Variants in C1orf94 observed in about 807,000 individuals in gnomAD.
C1orf94 encodes the protein uncharacterized protein C1orf94.
A neutral mutation model predicts 53.6 loss-of-function variants in C1orf94; 45 were observed. The ratio of observed to expected loss-of-function variants is 0.84; its 90% CI spans 0.66 to 1.08. The LOEUF (loss-of-function observed/expected upper bound fraction) is 1.08, where lower values mean the gene tolerates loss of function less well. Ranked by LOEUF, C1orf94 falls within the 50% of genes least tolerant of loss-of-function variation. The pLI is 0.00. For missense variants in C1orf94, 762 were observed against 738.9 expected (o/e 1.03, Z -0.36); for synonymous variants, 304 against 296.1 (o/e 1.03, Z -0.27).
At chr1:34,179,038 C>T (rs745794785) in intron 1 of C1orf94, among the ~76,000 whole-genome samples, 1 of 152,214 alleles carries the variant, frequency 6.6e-6, no homozygotes, top group Non-Finnish European at 1.5e-5. Context: ...TGCTACAGCT[C>T]AGTTCAGAGA....
At chr1:34,171,952 C>T (rs1035581386), upstream of C1orf94, among the ~76,000 whole-genome samples, 2 of 152,162 alleles carry the variant, frequency 1.3e-5, no homozygotes, top group African/African-American at 4.8e-5. Flanking sequence ...GTCAGTTCTT[C>T]CTTTATTCTT....
At chr1:34,215,403 G>A (rs1642968283) in intron 6 of C1orf94, among the ~76,000 whole-genome samples, 1 of 152,220 alleles carries the variant, frequency 6.6e-6, no homozygotes, top group African/African-American at 2.4e-5. Flanking sequence ...TTAAATTGAT[G>A]AGGACATGTT....
Position 34,212,602 on chromosome 1 carries a change from G to C in C1orf94, c.1721+196G>C, listed in dbSNP as rs112789373. ...CAGAGATGAAGAGGGTCTGGGGCCTGGTGGGCCCCTTTTGTAGGTGCATTT... is the reference window on the plus strand; with the variant it reads ...CAGAGATGAAGAGGGTCTGGGGCCTCGTGGGCCCCTTTTGTAGGTGCATTT... On this transcript the variant is annotated intron_variant, in intron 6 of 6. Coordinates refer to ENST00000488417, the MANE Select transcript of C1orf94 (RefSeq NM_001134734.2). Among the ~76,000 whole-genome samples, 832 of 152,268 alleles carry C rather than the reference G, an allele frequency of 5.5e-3. 13 individuals carry two copies. The highest frequency in any genetic ancestry group is 0.019 in the African/African-American group (788 of 41,554).
In C1orf94 at chr1:34,212,101, A is replaced by C. The variant is rs1455906186; in HGVS notation, c.1525-109A>C. 1.2e-5 allele frequency: 11 copies of C among 955,116 alleles called. No homozygotes were observed. The African/African-American group carries it at 1.4e-4, about 12-fold the overall frequency. The allele number at this position is 955,116 out of a possible 1,614,324, so 59.2% of individuals were successfully genotyped here. The stretch of plus-strand genomic sequence containing the variant: ...CATTCCAACATGTTGCCTTCTGTGT[A>C]CCCAGCAGTGACTGAGGAGCACAGG... On this transcript the variant is annotated intron_variant, in intron 5 of 6. Coordinates refer to ENST00000488417, the MANE Select transcript of C1orf94 (RefSeq NM_001134734.2).
At chr1:34,208,619 T>C (rs1381519459) in intron 5 of C1orf94, among the ~76,000 whole-genome samples, 1 of 152,176 alleles carries the variant, frequency 6.6e-6, no homozygotes, top group African/African-American at 2.4e-5. Flanking sequence ...GCTGTGGCAA[T>C]ACATAACCGC....
upstream of C1orf94, among the ~76,000 whole-genome samples, chr1:34,174,163 C>T (rs1415890209): frequency 1.3e-5 from 2 of 152,226 alleles, no homozygotes; most frequent in Non-Finnish European, 2.9e-5. Flanking sequence ...TATGTGAATT[C>T]GTTTCTCCAT....
chr1:34,184,292 G>T (rs889422408), intron 1 of C1orf94, among the ~76,000 whole-genome samples: 1 of 152,196 alleles, frequency 6.6e-6, no homozygotes, highest in Non-Finnish European at 1.5e-5. Context: ...AGCAGCAGGC[G>T]CAGGGAAAGA....
At chr1:34,212,486 G>A (rs552493501) in intron 6 of C1orf94, 80 bp downstream of exon 6, 26 of 1,377,460 alleles carry the variant, frequency 1.9e-5, no homozygotes, top group African/African-American at 7.3e-5. Flanking sequence ...GCTTACCAGC[G>A]CTTTCTTAGT....
At chr1:34,185,035 C>T (rs1642364367) in intron 1 of C1orf94, among the ~76,000 whole-genome samples, 1 of 152,104 alleles carries the variant, frequency 6.6e-6, no homozygotes, top group Non-Finnish European at 1.5e-5. Context: ...AGCTTCTGTG[C>T]AGCTTTTGTC....
chr1:34,211,623 C>T (rs1642891241), intron 5 of C1orf94, among the ~76,000 whole-genome samples: 1 of 152,118 alleles, frequency 6.6e-6, no homozygotes, highest in South Asian at 2.1e-4. Flanking sequence ...TTCCTCATGC[C>T]CATGAGCCAC....
intron 1 of C1orf94, among the ~76,000 whole-genome samples, chr1:34,182,192 C>T (rs140465154): frequency 0.013 from 1,963 of 152,218 alleles, 49 homozygotes; most frequent in African/African-American, 0.045. Flanking sequence ...GAGACCCTGT[C>T]TCAAAACAAA....
chr1:34,195,779 G>GGTGT (rs67390104), intron 1 of C1orf94, among the ~76,000 whole-genome samples: 221 of 145,262 alleles, frequency 1.5e-3, no homozygotes, highest in South Asian at 2.9e-3. Flanking sequence ...TCTGTTCGTG[G>GGTGT]GTGTGTGTGT....
chr1:34,197,697 G>T lies in C1orf94; in HGVS notation c.793G>T (p.Val265Phe), dbSNP rs1270240401. The stretch of plus-strand genomic sequence containing the variant: ...CAAGAATGTGCTGGACAAGACAAGG[G>T]TCACCAAGGACTTCCTACAGGACAA... ...DNKNVLDKTR[V>F]TKDFLQDNLF... is the part of the protein sequence containing the mutation. The change falls in exon 2 of 7, where the codon GTC (valine) becomes TTC (phenylalanine). Residue 265 changes from valine to phenylalanine, a missense_variant. Coordinates refer to ENST00000488417, the MANE Select transcript of C1orf94 (RefSeq NM_001134734.2). This position sits in a 1 kb window ranked among gnomAD's most constrained non-coding sequence, Gnocchi z 4.1. The T allele has an allele frequency of 6.2e-7, 1 of 1,614,020 alleles. No individual in the cohort carries two copies. The highest frequency in any genetic ancestry group is 1.7e-5 in the Admixed American group (1 of 60,006).
chr1:34,182,123 A>G (rs1183219833), intron 1 of C1orf94, among the ~76,000 whole-genome samples: 1 of 152,200 alleles, frequency 6.6e-6, no homozygotes, highest in African/African-American at 2.4e-5. Context: ...GAGCTCAGGA[A>G]AGTCGAGGCT....
chr1:34,205,541 A>G (rs979882520), intron 4 of C1orf94, among the ~76,000 whole-genome samples: 5 of 152,224 alleles, frequency 3.3e-5, no homozygotes, highest in Non-Finnish European at 7.3e-5. Context: ...TTGCAGCAGC[A>G]GCAGCAGTAG....
Position 34,212,411 on chromosome 1 carries a change from G to A in C1orf94, c.1721+5G>A, listed in dbSNP as rs553268555. The A allele has an allele frequency of 2.1e-5, 33 of 1,607,956 alleles. No homozygotes were observed. The highest frequency in any genetic ancestry group is 8.9e-5 in the East Asian group (4 of 44,734). On this transcript the variant is annotated splice_donor_5th_base_variant and intron_variant, in intron 6 of 6. Transcript: ENST00000488417. ...CCTCTTTCCCCAAGGATATGGGTGA[G>A]TCAGCCCACACTGGGAGCCTAAGGG...
At chr1:34,171,822 G>A (rs1408049560) in intron 1 of C1orf94, among the ~76,000 whole-genome samples, 8 of 152,148 alleles carry the variant, frequency 5.3e-5, no homozygotes, top group Admixed American at 4.6e-4. Context: ...GCCACCCGAC[G>A]TGTTTCCATT....
At chr1:34,176,083 A>G (rs976955388), upstream of C1orf94, among the ~76,000 whole-genome samples, 13 of 151,882 alleles carry the variant, frequency 8.6e-5, no homozygotes, top group African/African-American at 2.9e-4. Context: ...GCCCACCCTT[A>G]TGCTTCTTCA....
chr1:34,215,295 G>A (rs1642966045), intron 6 of C1orf94, among the ~76,000 whole-genome samples: 1 of 152,206 alleles, frequency 6.6e-6, no homozygotes, highest in Non-Finnish European at 1.5e-5. Flanking sequence ...GGGAGTGCAT[G>A]GAATTAAAAT....
Sources: allele counts gnomAD v4.1 joint callset (sites outside exome capture counted in the v4.1 genomes callset), GRCh38; gene constraint gnomAD v4.1.1; non-coding constraint Gnocchi (gnomAD v3.1); transcripts MANE v1.5; gene names NCBI Gene and HGNC (gene_info 2026-07-23, HGNC 2026-07-21).